The following COL22A1 variants were observed in gnomAD, a reference collection of about 807,000 sequenced individuals.
The protein encoded by COL22A1 is collagen alpha-1(XXII) chain.
Under a neutral mutation model 248.9 loss-of-function variants are expected in COL22A1, and 221 were observed. The observed-to-expected ratio is 0.89, with a 90% CI of 0.80 to 0.99. The LOEUF (loss-of-function observed/expected upper bound fraction) is 0.99. COL22A1 is among the 50% of genes least tolerant of loss of function. The pLI is 0.00. For missense variants in COL22A1, 2,240 were observed against 2,179.0 expected (o/e 1.03, Z -0.56); for synonymous variants, 891 against 793.4 (o/e 1.12, Z -2.07).
chr8:138,709,431 A>G (rs1645183273), intron 30 of COL22A1, among the ~76,000 whole-genome samples: 1 of 152,128 alleles, frequency 6.6e-6, no homozygotes, highest in African/African-American at 2.4e-5. Context: ...AATGTGGCAC[A>G]TATACACCAT....
rs1181931336 is a variant in COL22A1, at chr8:138,596,964, A to C, written c.4372T>G (p.Ser1458Ala). The change falls in exon 62 of 65, where the codon TCT (serine) becomes GCT (alanine). Residue 1458 changes from serine to alanine, a missense_variant. Transcript: ENST00000303045. ...QPGFPGLRGE[S>A]PSMETLRRLI... is the part of the protein sequence containing the mutation. ...CGACGCAGGGTTTCCATGGATGGAG[A>C]CTCCCCCTAGGAGGGAGGGAAGGTG... 4 of 1,613,454 alleles carry C rather than the reference A, an allele frequency of 2.5e-6. No individual in the cohort carries two copies. The highest frequency in any genetic ancestry group is 3.4e-6 in the Non-Finnish European group (4 of 1,179,748).
intron 23 of COL22A1, among the ~76,000 whole-genome samples, chr8:138,728,460 A>G (rs919602802): frequency 2.0e-5 from 3 of 151,936 alleles, no homozygotes; most frequent in African/African-American, 7.3e-5. Flanking sequence ...CCCTCCTTAC[A>G]TGTCTAAGGA....
chr8:138,601,013 G>A (rs1323304672), intron 60 of COL22A1, among the ~76,000 whole-genome samples: 1 of 152,174 alleles, frequency 6.6e-6, no homozygotes, highest in Non-Finnish European at 1.5e-5. Flanking sequence ...CTGGCAATGT[G>A]CCATGAAAGC....
intron 45 of COL22A1, among the ~76,000 whole-genome samples, chr8:138,654,831 C>G (rs1019133674): frequency 1.2e-4 from 19 of 152,318 alleles, no homozygotes; most frequent in African/African-American, 4.6e-4. Flanking sequence ...TTCAACCTCT[C>G]AGGACCTTTT....
At chr8:138,613,782 G>T in intron 56 of COL22A1, 85 bp downstream of exon 56, 1 of 1,179,284 alleles carries the variant, frequency 8.5e-7, no homozygotes, top group Non-Finnish European at 1.3e-6. Flanking sequence ...TATATACAGT[G>T]GCACCAGAGG....
At chr8:138,889,984 A>G (rs891082161) in intron 1 of COL22A1, among the ~76,000 whole-genome samples, 1 of 152,240 alleles carries the variant, frequency 6.6e-6, no homozygotes, top group Non-Finnish European at 1.5e-5. Context: ...AAATATTTAC[A>G]AAAAGAAATG....
At chr8:138,688,587 A>G (rs561435088) in intron 37 of COL22A1, among the ~76,000 whole-genome samples, 1 of 152,222 alleles carries the variant, frequency 6.6e-6, no homozygotes, top group African/African-American at 2.4e-5. Context: ...ATAATGGATA[A>G]GTTGGTGCAC....
chr8:138,706,509 A>C (rs1032645442), intron 30 of COL22A1, among the ~76,000 whole-genome samples: 1 of 152,228 alleles, frequency 6.6e-6, no homozygotes, highest in African/African-American at 2.4e-5. Context: ...AACCACATGG[A>C]AACTGAACAA....
chr8:138,767,213 T>C (rs932717678), intron 16 of COL22A1, among the ~76,000 whole-genome samples: 2 of 152,160 alleles, frequency 1.3e-5, no homozygotes, highest in African/African-American at 4.8e-5. Flanking sequence ...AAGGTGCGCA[T>C]TAACAGTCAG....
chr8:138,639,378 T>C (rs371323268), intron 47 of COL22A1, among the ~76,000 whole-genome samples: 1 of 152,246 alleles, frequency 6.6e-6, no homozygotes, highest in Non-Finnish European at 1.5e-5. Context: ...GGTTTCAAGA[T>C]GTCAAGTGCA....
intron 3 of COL22A1, among the ~76,000 whole-genome samples, chr8:138,870,669 G>A (rs771183055): frequency 7.3e-5 from 11 of 151,704 alleles, no homozygotes; most frequent in Admixed American, 2.0e-4. Flanking sequence ...TGTGCAAAAC[G>A]TGTATTTGCA....
intron 45 of COL22A1, among the ~76,000 whole-genome samples, chr8:138,653,966 C>T (rs574505581): frequency 2.6e-5 from 4 of 152,340 alleles, no homozygotes; most frequent in Admixed American, 6.5e-5. Context: ...CTACCCTGCA[C>T]GTAGGCGCTT....
intron 30 of COL22A1, among the ~76,000 whole-genome samples, chr8:138,704,950 C>T (rs568415939): frequency 6.6e-6 from 1 of 152,244 alleles, no homozygotes; most frequent in East Asian, 1.9e-4. Context: ...CCTGATGGAG[C>T]TGAAAACCAT....
In COL22A1 at chr8:138,596,892, C is replaced by T; in HGVS notation, c.4432+12G>A. 2 of 1,613,414 alleles carry T rather than the reference C, an allele frequency of 1.2e-6. No homozygotes were observed. Among genetic ancestry groups the T allele is most frequent in the Non-Finnish European group, 1.7e-6 (2 of 1,179,406 alleles). Reference sequence around the variant, plus strand: ...CTTCTCTGCAAGACCGTAACACAGTCCAGATACTCACTTTCAAGCTGCTTC... The same window carrying T: ...CTTCTCTGCAAGACCGTAACACAGTTCAGATACTCACTTTCAAGCTGCTTC... On this transcript the variant is annotated intron_variant, in intron 62 of 64. Transcript: ENST00000303045.
At chr8:138,803,471 T>A (rs1461578866) in intron 10 of COL22A1, among the ~76,000 whole-genome samples, 2 of 152,108 alleles carry the variant, frequency 1.3e-5, no homozygotes, top group African/African-American at 4.8e-5. Flanking sequence ...TGTATACATA[T>A]GTAACTAACC....
chr8:138,700,184 A>C, intron 31 of COL22A1, 40 bp from the exon 32 acceptor site: 1 of 1,603,824 alleles, frequency 6.2e-7, no homozygotes. Flanking sequence ...ATGGGCATCA[A>C]GGAACCCAGT....
At position 138,826,793 on chromosome 8, in the gene COL22A1, T is replaced by G; in HGVS notation, c.846-12A>C. The G allele has an allele frequency of 1.2e-6, 2 of 1,613,510 alleles. No individual in the cohort carries two copies. Among genetic ancestry groups the G allele is most frequent in the East Asian group, 2.2e-5 (1 of 44,844 alleles). On this transcript the variant is annotated splice_polypyrimidine_tract_variant and intron_variant, in intron 5 of 64. Transcript: ENST00000303045. The stretch of plus-strand genomic sequence containing the variant: ...GGGGGAACACATCCCTGGAGAAAAA[T>G]GGAGACAAAGACACCAGGCTTGGCG...
chr8:138,681,508 C>T (rs1825961710), intron 39 of COL22A1, among the ~76,000 whole-genome samples: 1 of 152,170 alleles, frequency 6.6e-6, no homozygotes, highest in South Asian at 2.1e-4. Context: ...GGTGCTCTCA[C>T]CTTCCTGTCT....
chr8:138,701,894 T>G (rs1283543908), intron 31 of COL22A1, among the ~76,000 whole-genome samples: 1 of 152,254 alleles, frequency 6.6e-6, no homozygotes, highest in Non-Finnish European at 1.5e-5. Context: ...AGTATCACTA[T>G]CTTTTCAAGA....
Sources: gnomAD v4.1 joint callset for allele counts (sites outside exome capture counted in the v4.1 genomes callset) on GRCh38, gnomAD v4.1.1 for gene constraint, MANE v1.5 for transcripts, NCBI Gene and HGNC (gene_info 2026-07-23, HGNC 2026-07-21) for gene names.